KANSL1L: variants seen among roughly 807,000 people sequenced by gnomAD.
KANSL1L encodes the protein KAT8 regulatory NSL complex subunit 1-like protein.
KANSL1L carries 25 observed loss-of-function variants against 108.6 expected under a neutral mutation model. The observed-to-expected ratio is 0.23, with a 90% CI of 0.17 to 0.32. KANSL1L has a LOEUF of 0.32. Among genes scored for constraint, KANSL1L ranks in the 10% least tolerant of loss-of-function variants. The pLI is 1.00. For missense variants in KANSL1L, 1,137 were observed against 1,125.7 expected (o/e 1.01, Z -0.14); for synonymous variants, 405 against 395.1 (o/e 1.03, Z -0.30).
intron 8 of KANSL1L, among the ~76,000 whole-genome samples, chr2:210,037,578 T>G (rs2094120698): frequency 6.6e-6 from 1 of 152,144 alleles, no homozygotes; most frequent in South Asian, 2.1e-4. Context: ...TGTGGAAAAT[T>G]TTCAAATAAA....
chr2:210,031,550 A>G lies in KANSL1L; in HGVS notation c.2030-4T>C, dbSNP rs756967882. The G allele has an allele frequency of 4.0e-6, 6 of 1,487,874 alleles. No homozygotes were observed. The highest frequency in any genetic ancestry group is 3.5e-4 in the Middle Eastern group (2 of 5,690). The allele number at this position is 1,487,874 out of a possible 1,614,324, so 92.2% of individuals were successfully genotyped here. A position where few individuals can be genotyped will look rare whatever the true frequency, so the allele number is the denominator to read the frequency against. ...CATTGATTCAGAGTACTATGTACTA[A>G]AACAAATGAAAAGGAAATATTAAGT... is the stretch of plus-strand genomic sequence containing the variant. On this transcript the variant is annotated splice_region_variant and splice_polypyrimidine_tract_variant and intron_variant, in intron 8 of 14. Coordinates refer to ENST00000281772, the MANE Select transcript of KANSL1L (RefSeq NM_152519.4).
chr2:210,032,328 C>CAGAT (rs1472518601), intron 8 of KANSL1L: 1 of 152,152 alleles, frequency 6.6e-6, no homozygotes, highest in Non-Finnish European at 1.5e-5. Context: ...GGTACATGCA[C>CAGAT]AGATAGGCAC....
At chr2:210,157,215 T>C (rs1029286936) in intron 1 of KANSL1L, among the ~76,000 whole-genome samples, 1 of 152,134 alleles carries the variant, frequency 6.6e-6, no homozygotes, top group African/African-American at 2.4e-5. Context: ...TTGTTGATGT[T>C]ACAGCACTCC....
chr2:210,139,682 G>T (rs978167984), intron 2 of KANSL1L, among the ~76,000 whole-genome samples: 4 of 151,264 alleles, frequency 2.6e-5, no homozygotes, highest in Non-Finnish European at 5.9e-5. Context: ...TCTATGTGTT[G>T]GCCATTTGTA....
chr2:210,090,468 C>T (rs998834049), intron 5 of KANSL1L, among the ~76,000 whole-genome samples: 2 of 152,122 alleles, frequency 1.3e-5, no homozygotes, highest in African/African-American at 4.8e-5. Flanking sequence ...TTAGGCACCA[C>T]AATAATTTTT....
At chr2:210,029,777 A>C in intron 10 of KANSL1L, 26 bp downstream of exon 10, 2 of 1,139,486 alleles carry the variant, frequency 1.8e-6, no homozygotes, top group Non-Finnish European at 1.3e-6. Flanking sequence ...AAGCTATTTT[A>C]GAGTTCAACA....
At position 210,154,196 on chromosome 2, in the gene KANSL1L, A is replaced by G. The variant is rs756658506; in HGVS notation, c.387T>C (p.Ser129=). Reference sequence around the variant, plus strand: ...GAGGCTCCTTTTTGATGAACTCTTCAGAATGAGAAAGACAGATTTTACTGA... The same window carrying G: ...GAGGCTCCTTTTTGATGAACTCTTCGGAATGAGAAAGACAGATTTTACTGA... The part of the protein sequence containing the change: ...IQLSKICLSH[S]EEFIKKEPLS... Residue 129 remains serine (S), a synonymous_variant, in exon 2 of 15, where the codon TCT becomes TCC. Transcript: ENST00000281772. The G allele has an allele frequency of 9.9e-6, 16 of 1,614,120 alleles. No individual in the cohort carries two copies. The highest frequency in any genetic ancestry group is 1.4e-5 in the Non-Finnish European group (16 of 1,180,000).
chr2:210,044,044 C>T lies in KANSL1L; in HGVS notation c.1816G>A (p.Ala606Thr). The change falls in exon 7 of 15, where the codon GCT becomes ACT. Residue 606 changes from alanine (A) to threonine (T), a missense_variant. Physicochemically the swap from Ala to Thr is moderately conservative, Grantham distance 58. Around this residue, in one of 3 missense-constraint regions of KANSL1L, gnomAD observed 575 missense variants for 567.1 expected, o/e 1.01. Coordinates refer to ENST00000281772, the MANE Select transcript of KANSL1L (RefSeq NM_152519.4). This position sits in a 1 kb window ranked among gnomAD's most constrained non-coding sequence, Gnocchi z 4.2. ...TGTTCATAGCTACTCCAAGTTGAAG[C>T]TGATTGCAGGCAAGGCATTTGTGTA... ...NTTQMPCLQS[A>T]STWSSYEHNS... The T allele has an allele frequency of 6.2e-7, 1 of 1,609,338 alleles. No individual in the cohort carries two copies. Among genetic ancestry groups the T allele is most frequent in the Non-Finnish European group, 8.5e-7 (1 of 1,177,674 alleles).
chr2:210,145,210 GA>G (rs1290817838), intron 2 of KANSL1L, among the ~76,000 whole-genome samples: 2 of 152,192 alleles, frequency 1.3e-5, no homozygotes, highest in Admixed American at 6.5e-5. Context: ...CTCCTGCCAG[GA>G]AAGTTGTGGC....
intron 3 of KANSL1L, among the ~76,000 whole-genome samples, chr2:210,126,318 T>A (rs1017023638): frequency 2.0e-5 from 3 of 152,188 alleles, no homozygotes; most frequent in Admixed American, 1.3e-4. Flanking sequence ...TTAAAGAAGA[T>A]ATAAATAAAT....
At chr2:210,168,144 T>C (rs949497841) in intron 1 of KANSL1L, among the ~76,000 whole-genome samples, 1 of 152,074 alleles carries the variant, frequency 6.6e-6, no homozygotes, top group African/African-American at 2.4e-5. Context: ...ATGAGAGATA[T>C]GCTTTAAAAT....
chr2:210,028,207 C>A (rs745389217), intron 11 of KANSL1L, among the ~76,000 whole-genome samples: 2 of 152,124 alleles, frequency 1.3e-5, no homozygotes, highest in African/African-American at 2.4e-5. Context: ...CTGGACCTAA[C>A]TTTGTTTTTA....
intron 2 of KANSL1L, among the ~76,000 whole-genome samples, chr2:210,138,797 A>G (rs910230142): frequency 1.1e-4 from 16 of 152,146 alleles, no homozygotes; most frequent in African/African-American, 3.4e-4. Context: ...AAAATATCAT[A>G]AGTCGAAATG....
chr2:210,164,231 G>A (rs2095375444), intron 1 of KANSL1L, among the ~76,000 whole-genome samples: 1 of 152,028 alleles, frequency 6.6e-6, no homozygotes, highest in South Asian at 2.1e-4. Context: ...TGTAACCAGG[G>A]ATCAACTATC....
At chr2:210,107,546 T>A (rs1161125270) in intron 3 of KANSL1L, among the ~76,000 whole-genome samples, 8 of 146,374 alleles carry the variant, frequency 5.5e-5, no homozygotes, top group African/African-American at 1.5e-4. Context: ...TTTTTTTTTT[T>A]GAGACAGAGT....
chr2:210,163,343 A>G (rs1038036874), intron 1 of KANSL1L, among the ~76,000 whole-genome samples: 1 of 152,218 alleles, frequency 6.6e-6, no homozygotes, highest in Non-Finnish European at 1.5e-5. Flanking sequence ...AAATGCTAGA[A>G]ATCAAAAACA....
chr2:210,029,184 TG>T (rs1373241858), intron 10 of KANSL1L: 1 of 455,478 alleles, frequency 2.2e-6, no homozygotes, highest in Non-Finnish European at 3.8e-6. Flanking sequence ...ATGTGTAATG[TG>T]TATTTATGTG....
At chr2:210,147,506 G>T (rs1412506625) in intron 2 of KANSL1L, among the ~76,000 whole-genome samples, 1 of 152,082 alleles carries the variant, frequency 6.6e-6, no homozygotes, top group East Asian at 1.9e-4. Flanking sequence ...CTACTAGTCT[G>T]TTCACAATTA....
intron 6 of KANSL1L, among the ~76,000 whole-genome samples, chr2:210,057,228 C>T (rs1017390494): frequency 2.0e-5 from 3 of 152,104 alleles, no homozygotes; most frequent in African/African-American, 7.2e-5. Flanking sequence ...ATGGTGAAAT[C>T]CCATCTCTAC....
Sources: allele counts gnomAD v4.1 joint callset (sites outside exome capture counted in the v4.1 genomes callset), GRCh38; gene constraint gnomAD v4.1.1; regional missense constraint gnomAD v4.1.1; non-coding constraint Gnocchi (gnomAD v3.1); transcripts MANE v1.5; gene names NCBI Gene and HGNC (gene_info 2026-07-23, HGNC 2026-07-21).